Variants in KCNG3 observed in about 807,000 individuals in gnomAD.
The protein encoded by KCNG3 is voltage-gated potassium channel regulatory subunit KCNG3.
Under a neutral mutation model 29.0 loss-of-function variants are expected in KCNG3, and 15 were observed. The ratio of observed to expected loss-of-function variants is 0.52; its 90% CI spans 0.35 to 0.80. The LOEUF (loss-of-function observed/expected upper bound fraction) is 0.80, where lower values mean the gene tolerates loss of function less well. Ranked by LOEUF, KCNG3 falls within the 30% of genes least tolerant of loss-of-function variation. The pLI is 0.01. For missense variants in KCNG3, 512 were observed against 605.7 expected (o/e 0.85, Z 1.62); for synonymous variants, 322 against 248.9 (o/e 1.29, Z -2.76).
intron 1 of KCNG3, chr2:42,464,120 T>C (rs954491586): frequency 5.0e-6 from 1 of 200,786 alleles, no homozygotes; most frequent in East Asian, 1.8e-4. Flanking sequence ...GATATCATTA[T>C]TTGCTATTTC....
intron 1 of KCNG3, among the ~76,000 whole-genome samples, chr2:42,483,958 A>G (rs1673653727): frequency 6.6e-6 from 1 of 152,002 alleles, no homozygotes. Context: ...CACCCGGCTA[A>G]ATTTTGTAGA....
At chr2:42,492,306 T>C (rs537884070) in intron 1 of KCNG3, among the ~76,000 whole-genome samples, 3 of 152,306 alleles carry the variant, frequency 2.0e-5, no homozygotes, top group African/African-American at 7.2e-5. Context: ...ATTTAGAGTC[T>C]ATCGATAAAT....
chr2:42,404,454 G>A, the KCNG3 span, among the ~76,000 whole-genome samples: 6 of 152,142 alleles, frequency 3.9e-5, no homozygotes, highest in East Asian at 1.9e-4. Flanking sequence ...GGAGCCAGGC[G>A]CGATGGCTCA....
At chr2:42,398,938 G>A in the KCNG3 span, among the ~76,000 whole-genome samples, 1 of 152,116 alleles carries the variant, frequency 6.6e-6, no homozygotes, top group African/African-American at 2.4e-5. Flanking sequence ...CTCACCCTCA[G>A]CATCTTTTCA....
chr2:42,426,857 G>A, the KCNG3 span, among the ~76,000 whole-genome samples: 2 of 152,278 alleles, frequency 1.3e-5, no homozygotes, highest in East Asian at 1.9e-4. Context: ...TTTAAGGCAA[G>A]TATCTTTATC....
In KCNG3 at chr2:42,475,692, T is replaced by C. The variant is rs116196044; in HGVS notation, c.665+17145A>G. ...TCCTGTGACTGTAAATTGTGTCAAA[T>C]TTTTTCATCAAGTTACCACTCCAAG... On this transcript the variant is annotated intron_variant, in intron 1 of 1. Transcript: ENST00000306078. Among the ~76,000 whole-genome samples, 461 of 151,760 alleles carry C rather than the reference T, an allele frequency of 3.0e-3. 3 individuals are homozygous for C. Among genetic ancestry groups the C allele is most frequent in the African/African-American group, 9.4e-3 (390 of 41,360 alleles).
the KCNG3 span, among the ~76,000 whole-genome samples, chr2:42,412,458 T>C: frequency 1.3e-5 from 2 of 152,234 alleles, no homozygotes; most frequent in African/African-American, 2.4e-5. Context: ...TTATACCTTA[T>C]GTTTGTATGT....
Position 42,493,711 on chromosome 2 carries a change from C to T in KCNG3, c.-210G>A, listed in dbSNP as rs1361208278. On this transcript the variant is annotated 5_prime_UTR_variant, in exon 1 of 2. Transcript: ENST00000306078. ...TGCTAGTAGCGCGCCCTCCGCCCGGCGGTACCTGCGGGTGGCCGGGGAGTC... is the reference window on the plus strand; with the variant it reads ...TGCTAGTAGCGCGCCCTCCGCCCGGTGGTACCTGCGGGTGGCCGGGGAGTC... 1.1e-5 allele frequency: 4 copies of T among 365,516 alleles called. No homozygotes were observed. The allele number at this position is 365,516 out of a possible 1,614,324, so 22.6% of individuals were successfully genotyped here.
intron 1 of KCNG3, among the ~76,000 whole-genome samples, chr2:42,480,786 T>TC: frequency 7.5e-6 from 1 of 133,676 alleles, no homozygotes; most frequent in East Asian, 2.2e-4. Context: ...AAAAGTAAAA[T>TC]CCTTTTTTTT....
the KCNG3 span, among the ~76,000 whole-genome samples, chr2:42,415,871 T>C: frequency 6.6e-6 from 1 of 152,174 alleles, no homozygotes. Context: ...CTTACTCATA[T>C]GTGGAATCTA....
At chr2:42,429,146 C>A in the KCNG3 span, among the ~76,000 whole-genome samples, 2 of 147,002 alleles carry the variant, frequency 1.4e-5, no homozygotes, top group African/African-American at 5.0e-5. Flanking sequence ...AACAAACAAA[C>A]AAAAAAAAAA....
rs369172191 is a variant in KCNG3, at chr2:42,478,434, T to C, written c.665+14403A>G. On this transcript the variant is annotated intron_variant, in intron 1 of 1. Transcript: ENST00000306078. ...TTTGTAGAGAAGAGGTCTCATGATA[T>C]TGCCCAGGCTGGTCTTGAACTCCTG... 3.9e-4 allele frequency among the ~76,000 whole-genome samples: 60 copies of C among 152,150 alleles called. No individual in the cohort carries two copies. The East Asian group carries it at 9.9e-3, about 25-fold the overall frequency.
the KCNG3 span, among the ~76,000 whole-genome samples, chr2:42,393,571 A>C: frequency 6.6e-6 from 1 of 151,850 alleles, no homozygotes; most frequent in East Asian, 1.9e-4. Flanking sequence ...AAAAACAAAC[A>C]AACAAACTGT....
the KCNG3 span, among the ~76,000 whole-genome samples, chr2:42,428,744 G>C: frequency 6.6e-6 from 1 of 152,158 alleles, no homozygotes; most frequent in African/African-American, 2.4e-5. Flanking sequence ...TAAGTAATCA[G>C]AAAGATCCAC....
At chr2:42,484,757 A>G (rs1436630591) in intron 1 of KCNG3, among the ~76,000 whole-genome samples, 1 of 152,228 alleles carries the variant, frequency 6.6e-6, no homozygotes, top group Admixed American at 6.5e-5. Flanking sequence ...AAAGGTAGGG[A>G]AAAAAGAAGC....
chr2:42,427,628 A>G, the KCNG3 span, among the ~76,000 whole-genome samples: 2 of 152,154 alleles, frequency 1.3e-5, no homozygotes, highest in Admixed American at 1.3e-4. Context: ...AATTATTTCA[A>G]CATAAAACTG....
intron 1 of KCNG3, among the ~76,000 whole-genome samples, chr2:42,461,182 CA>C (rs34199989): frequency 0.018 from 1,018 of 56,446 alleles, 17 homozygotes; most frequent in African/African-American, 0.062. Flanking sequence ...CAAAACAAAA[CA>C]AAAAAAAAAA....
intron 1 of KCNG3, among the ~76,000 whole-genome samples, chr2:42,452,245 T>TATATATA (rs1558376128): frequency 5.3e-3 from 252 of 47,382 alleles, no homozygotes; most frequent in African/African-American, 0.015. Flanking sequence ...ATATATATAT[T>TATATATA]TTTTTTTTTT....
intron 1 of KCNG3, among the ~76,000 whole-genome samples, chr2:42,472,874 T>C (rs939061108): frequency 6.8e-6 from 1 of 146,226 alleles, no homozygotes; most frequent in Admixed American, 7.0e-5. Context: ...AATATATATA[T>C]ATAGATCTAT....
Sources: allele counts gnomAD v4.1 joint callset (sites outside exome capture counted in the v4.1 genomes callset), GRCh38; gene constraint gnomAD v4.1.1; transcripts MANE v1.5; gene names NCBI Gene and HGNC (gene_info 2026-07-23, HGNC 2026-07-21).